The following TMEM117 variants were observed in gnomAD, a reference collection of about 807,000 sequenced individuals.
TMEM117 encodes the protein transmembrane protein 117.
A neutral mutation model predicts 52.4 loss-of-function variants in TMEM117; 27 were observed. The observed-to-expected ratio is 0.51, with a 90% confidence interval of 0.38 to 0.71. The LOEUF is 0.71. TMEM117 is among the 30% of genes least tolerant of loss of function. The pLI, the probability that TMEM117 is intolerant of heterozygous loss-of-function variation, is 0.00. For missense variants in TMEM117, 556 were observed against 630.5 expected (o/e 0.88, Z 1.26); for synonymous variants, 215 against 206.3 (o/e 1.04, Z -0.36).
chr12:43,886,159 G>A (rs1269480245), intron 2 of TMEM117, among the ~76,000 whole-genome samples: 2 of 152,100 alleles, frequency 1.3e-5, no homozygotes, highest in Non-Finnish European at 2.9e-5. Context: ...AGGATTAATG[G>A]TGGAAAATCC....
chr12:43,857,422 C>T (rs1181850842), intron 2 of TMEM117, among the ~76,000 whole-genome samples: 3 of 151,688 alleles, frequency 2.0e-5, no homozygotes, highest in Non-Finnish European at 1.5e-5. Context: ...CATTTCCTAC[C>T]CATGGGAGGT....
At chr12:44,041,363 A>G (rs1484645536) in intron 3 of TMEM117, among the ~76,000 whole-genome samples, 1 of 151,612 alleles carries the variant, frequency 6.6e-6, no homozygotes, top group Non-Finnish European at 1.5e-5. Flanking sequence ...CAGATCAGCT[A>G]TAAAGCAATT....
At chr12:43,938,949 G>A (rs1295112805) in intron 2 of TMEM117, among the ~76,000 whole-genome samples, 1 of 151,328 alleles carries the variant, frequency 6.6e-6, no homozygotes, top group Non-Finnish European at 1.5e-5. Flanking sequence ...GCAGTGAGCC[G>A]AGATTGCTCC....
chr12:43,806,382 G>A, the TMEM117 span: 11 of 1,206,156 alleles, frequency 9.1e-6, no homozygotes, highest in East Asian at 1.9e-4. Flanking sequence ...GCCCCGTGAG[G>A]TTGACTGAGT....
At chr12:44,052,221 G>A (rs568482601) in intron 3 of TMEM117, among the ~76,000 whole-genome samples, 75 of 152,208 alleles carry the variant, frequency 4.9e-4, no homozygotes, top group African/African-American at 1.6e-3. Context: ...GTACTATTGG[G>A]CTTGTTCGCC....
intron 7 of TMEM117, among the ~76,000 whole-genome samples, chr12:44,387,744 G>A (rs79351863): frequency 0.015 from 2,256 of 152,166 alleles, 58 homozygotes; most frequent in African/African-American, 0.052. Flanking sequence ...GAGTATAGCT[G>A]TGGTGCCTAT....
rs1951587673 is a variant in TMEM117 at position 44,353,012 on chromosome 12, A to C, written c.769-23583A>C. 2.0e-5 allele frequency among the ~76,000 whole-genome samples: 3 copies of C among 152,096 alleles called. No individual in the cohort carries two copies. The South Asian group carries it at 6.2e-4, about 32-fold the overall frequency. The stretch of plus-strand genomic sequence containing the variant: ...TCTAACTGGTGTGAGATGGTATCTC[A>C]TTGTGGTTTTGATTTGCATTTCTCT... On this transcript the variant is annotated intron_variant, in intron 6 of 7. Transcript: ENST00000266534.
chr12:44,187,144 A>G (rs1030582523), intron 4 of TMEM117, among the ~76,000 whole-genome samples: 6 of 152,274 alleles, frequency 3.9e-5, no homozygotes, highest in South Asian at 2.1e-4. Context: ...GCTTCTTATA[A>G]CTATTTAATA....
At chr12:44,379,551 T>G (rs1951991014) in intron 7 of TMEM117, among the ~76,000 whole-genome samples, 1 of 152,176 alleles carries the variant, frequency 6.6e-6, no homozygotes, top group African/African-American at 2.4e-5. Context: ...GTTCTGTTTC[T>G]TTTACTCTCT....
At chr12:44,207,914 C>T (rs1949591403) in intron 4 of TMEM117, among the ~76,000 whole-genome samples, 1 of 152,006 alleles carries the variant, frequency 6.6e-6, no homozygotes, top group South Asian at 2.1e-4. Flanking sequence ...TGTTATTTAA[C>T]TTCATTGACT....
At chr12:44,331,190 A>C (rs1294066270) in intron 6 of TMEM117, among the ~76,000 whole-genome samples, 1 of 151,922 alleles carries the variant, frequency 6.6e-6, no homozygotes, top group East Asian at 1.9e-4. Flanking sequence ...TTTTTAAAAA[A>C]AAAAAAATCT....
intron 2 of TMEM117, among the ~76,000 whole-genome samples, chr12:43,916,810 G>A (rs950000439): frequency 1.3e-5 from 2 of 152,132 alleles, no homozygotes; most frequent in African/African-American, 4.8e-5. Flanking sequence ...CATAAGCCAG[G>A]TAGATATATC....
chr12:44,257,343 G>A lies in TMEM117; in HGVS notation c.609-42237G>A, dbSNP rs191102742. The stretch of plus-strand genomic sequence containing the variant: ...ACGTTGACTCTCTCTCTATATATAG[G>A]TGTCCACTCCATTTGTTGTTTGTCT... On this transcript the variant is annotated intron_variant, in intron 5 of 7. Coordinates refer to ENST00000266534, the MANE Select transcript of TMEM117 (RefSeq NM_032256.3). 1.3e-3 allele frequency among the ~76,000 whole-genome samples: 196 copies of A among 151,952 alleles called. 1 individual carries two copies. Among genetic ancestry groups the A allele is most frequent in the Admixed American group, 3.9e-3 (60 of 15,198 alleles).
intron 6 of TMEM117, among the ~76,000 whole-genome samples, chr12:44,324,074 G>A (rs776087582): frequency 2.0e-5 from 3 of 151,994 alleles, no homozygotes; most frequent in Non-Finnish European, 2.9e-5. Flanking sequence ...GAAAAGAGAA[G>A]TAAATATAGT....
the TMEM117 span, chr12:43,802,484 G>A: frequency 6.3e-7 from 1 of 1,577,262 alleles, no homozygotes. Flanking sequence ...ATTATTTTTA[G>A]AAAGATAGGT....
chr12:43,982,694 A>C (rs1945780060), intron 3 of TMEM117, among the ~76,000 whole-genome samples: 1 of 152,148 alleles, frequency 6.6e-6, no homozygotes, highest in African/African-American at 2.4e-5. Flanking sequence ...TCACAGAACA[A>C]ATTCCTCAGT....
chr12:44,071,746 A>G (rs536903807), intron 3 of TMEM117, among the ~76,000 whole-genome samples: 1 of 152,306 alleles, frequency 6.6e-6, no homozygotes, highest in Non-Finnish European at 1.5e-5. Context: ...TTAATTTCAC[A>G]GATAGGTAAT....
intron 3 of TMEM117, among the ~76,000 whole-genome samples, chr12:43,971,876 A>G (rs1177707398): frequency 6.6e-6 from 1 of 152,064 alleles, no homozygotes; most frequent in South Asian, 2.1e-4. Flanking sequence ...AATAACGAAA[A>G]CCTTATACTC....
intron 6 of TMEM117, among the ~76,000 whole-genome samples, chr12:44,371,436 A>G (rs1228991197): frequency 6.6e-6 from 1 of 152,242 alleles, no homozygotes; most frequent in African/African-American, 2.4e-5. Flanking sequence ...AAGAATTTAT[A>G]GCTTTTCACT....
Sources: gnomAD v4.1 joint callset for allele counts (sites outside exome capture counted in the v4.1 genomes callset) on GRCh38, gnomAD v4.1.1 for gene constraint, MANE v1.5 for transcripts, NCBI Gene and HGNC (gene_info 2026-07-23, HGNC 2026-07-21) for gene names.